Variants in CNBD1 observed in about 807,000 individuals in gnomAD.
CNBD1 encodes cyclic nucleotide-binding domain-containing protein 1.
CNBD1 carries 71 observed loss-of-function variants against 54.4 expected under a neutral mutation model. The ratio of observed to expected loss-of-function variants is 1.30; its 90% CI spans 1.08 to 1.59. The LOEUF (loss-of-function observed/expected upper bound fraction) is 1.59. Ranked by LOEUF, CNBD1 falls within the 40% of genes most tolerant of loss-of-function variation. CNBD1 has a pLI of 0.00. For missense variants in CNBD1, 659 were observed against 518.0 expected (o/e 1.27, Z -2.64); for synonymous variants, 182 against 170.7 (o/e 1.07, Z -0.51).
chr8:86,922,397 A>T (rs1416037766), intron 3 of CNBD1, among the ~76,000 whole-genome samples: 1 of 152,156 alleles, frequency 6.6e-6, no homozygotes, highest in Non-Finnish European at 1.5e-5. Flanking sequence ...CATAGGAGCA[A>T]TATTTGGACC....
intron 4 of CNBD1, among the ~76,000 whole-genome samples, chr8:87,205,777 A>G (rs1280327479): frequency 1.3e-5 from 2 of 152,176 alleles, no homozygotes; most frequent in African/African-American, 4.8e-5. Context: ...GTAATTTCCT[A>G]AAGTTTGAAG....
intron 8 of CNBD1, among the ~76,000 whole-genome samples, chr8:87,316,631 G>T (rs138974695): frequency 6.6e-6 from 1 of 150,796 alleles, no homozygotes; most frequent in Admixed American, 6.6e-5. Flanking sequence ...CTTTTTTTTT[G>T]CAATAGGAAA....
At chr8:87,418,476 A>G (rs962549831) in intron 2 of CNBD1, among the ~76,000 whole-genome samples, 1 of 152,032 alleles carries the variant, frequency 6.6e-6, no homozygotes, top group Admixed American at 6.6e-5. Context: ...TATAACACTT[A>G]AAGCACAAAC....
chr8:87,352,721 C>T (rs969809510), intron 9 of CNBD1, among the ~76,000 whole-genome samples: 2 of 152,076 alleles, frequency 1.3e-5, no homozygotes, highest in Middle Eastern at 3.4e-3. Flanking sequence ...CTAGAACAGG[C>T]AAAAATATAT....
chr8:87,280,007 T>C (rs1312665716), intron 6 of CNBD1, among the ~76,000 whole-genome samples: 3 of 151,516 alleles, frequency 2.0e-5, no homozygotes, highest in Non-Finnish European at 4.4e-5. Context: ...TGATCCTCTT[T>C]GATTCAGCAT....
intron 2 of CNBD1, among the ~76,000 whole-genome samples, chr8:87,405,536 G>T (rs1807638110): frequency 2.6e-5 from 4 of 151,976 alleles, no homozygotes; most frequent in Admixed American, 2.0e-4. Flanking sequence ...TTCGTAAGTG[G>T]TTTATTACTG....
rs1024989362 is a variant in CNBD1 at position 87,168,260 on chromosome 8, T to C, written c.432-37733T>C. 2.0e-5 allele frequency among the ~76,000 whole-genome samples: 3 copies of C among 152,104 alleles called. No homozygotes were observed. In the East Asian group the frequency reaches 5.8e-4, roughly 29 times the overall value. On this transcript the variant is annotated intron_variant, in intron 4 of 10. Coordinates refer to ENST00000518476, the MANE Select transcript of CNBD1 (RefSeq NM_173538.3). ...CATTTAAACATCCATAAAGTATGAT[T>C]GCGTATCTATTTAAATTAGTTTTTT...
At chr8:87,206,713 C>T (rs1027384387) in intron 5 of CNBD1, among the ~76,000 whole-genome samples, 1 of 152,200 alleles carries the variant, frequency 6.6e-6, no homozygotes, top group South Asian at 2.1e-4. Flanking sequence ...TATTAATAGA[C>T]TTGTTATATT....
At chr8:87,321,630 A>G (rs1431880303) in intron 8 of CNBD1, among the ~76,000 whole-genome samples, 1 of 152,026 alleles carries the variant, frequency 6.6e-6, no homozygotes, top group African/African-American at 2.4e-5. Flanking sequence ...ATTTTCTCTC[A>G]TTCCATAGGC....
At chr8:86,903,661 C>T (rs1224185242) in intron 2 of CNBD1, among the ~76,000 whole-genome samples, 1 of 151,894 alleles carries the variant, frequency 6.6e-6, no homozygotes, top group Non-Finnish European at 1.5e-5. Flanking sequence ...ATGAATTAGG[C>T]AAATTATTAA....
chr8:87,124,502 G>A (rs911354760), intron 4 of CNBD1, among the ~76,000 whole-genome samples: 1 of 151,658 alleles, frequency 6.6e-6, no homozygotes, highest in East Asian at 1.9e-4. Flanking sequence ...CTCAACATAT[G>A]CAGATCAGTA....
chr8:87,371,827 A>C (rs141299610), intron 10 of CNBD1, among the ~76,000 whole-genome samples: 29 of 151,566 alleles, frequency 1.9e-4, no homozygotes, highest in Non-Finnish European at 2.8e-4. Context: ...AGGTATTGAC[A>C]GGACATATCT....
chr8:86,925,709 C>A (rs1809347296), intron 3 of CNBD1, among the ~76,000 whole-genome samples: 1 of 143,076 alleles, frequency 7.0e-6, no homozygotes, highest in Non-Finnish European at 1.5e-5. Flanking sequence ...GGTGAAACAC[C>A]CTCTCTACTG....
intron 4 of CNBD1, among the ~76,000 whole-genome samples, chr8:87,139,636 G>C (rs112413407): frequency 0.023 from 3,514 of 152,212 alleles, 124 homozygotes; most frequent in African/African-American, 0.076. Context: ...GAGTTGGAGG[G>C]CTTGGCTTGA....
At chr8:86,926,962 C>G (rs1320109901) in intron 3 of CNBD1, among the ~76,000 whole-genome samples, 1 of 152,120 alleles carries the variant, frequency 6.6e-6, no homozygotes, top group African/African-American at 2.4e-5. Context: ...CTGATAGGGT[C>G]TGATTTCCTG....
intron 5 of CNBD1, among the ~76,000 whole-genome samples, chr8:87,236,190 T>C (rs986395021): frequency 8.5e-5 from 13 of 152,084 alleles, no homozygotes; most frequent in Non-Finnish European, 1.9e-4. Context: ...GTAATGTAAA[T>C]AAGAAATGGA....
At chr8:87,272,728 T>C (rs1339213748) in intron 6 of CNBD1, among the ~76,000 whole-genome samples, 2 of 151,954 alleles carry the variant, frequency 1.3e-5, no homozygotes, top group Non-Finnish European at 2.9e-5. Flanking sequence ...ATAACTTCAA[T>C]AGCTAGTGAA....
chr8:86,953,133 T>G (rs931891462), intron 4 of CNBD1, among the ~76,000 whole-genome samples: 1 of 152,212 alleles, frequency 6.6e-6, no homozygotes, highest in Non-Finnish European at 1.5e-5. Context: ...TAAGTATATG[T>G]TGATGAACAT....
intron 4 of CNBD1, among the ~76,000 whole-genome samples, chr8:87,129,825 A>G (rs1323195913): frequency 6.6e-6 from 1 of 152,060 alleles, no homozygotes; most frequent in Non-Finnish European, 1.5e-5. Flanking sequence ...GTGTTATTGT[A>G]TTAGTCCATT....
Sources: gnomAD v4.1 joint callset for allele counts (sites outside exome capture counted in the v4.1 genomes callset) on GRCh38, gnomAD v4.1.1 for gene constraint, MANE v1.5 for transcripts, NCBI Gene and HGNC (gene_info 2026-07-23, HGNC 2026-07-21) for gene names.